TBCA: variants seen among roughly 807,000 people sequenced by gnomAD.
The protein encoded by TBCA is tubulin folding cofactor A.
TBCA carries 6 observed loss-of-function variants against 15.8 expected under a neutral mutation model. The ratio of observed to expected loss-of-function variants is 0.38; its 90% CI spans 0.21 to 0.75. The LOEUF (loss-of-function observed/expected upper bound fraction) is 0.75, where lower values mean the gene tolerates loss of function less well. Ranked by LOEUF, TBCA falls within the 30% of genes least tolerant of loss-of-function variation. The pLI is 0.46. For missense variants in TBCA, 90 were observed against 131.2 expected (o/e 0.69, Z 1.53); for synonymous variants, 32 against 42.3 (o/e 0.76, Z 0.94).
rs187886746 is a variant in TBCA at position 77,747,678 on chromosome 5, A to G, written c.53+28527T>C. 1.1e-3 allele frequency among the ~76,000 whole-genome samples: 172 copies of G among 152,258 alleles called. 2 individuals carry two copies. The highest frequency in any genetic ancestry group is 4.0e-3 in the African/African-American group (165 of 41,576). ...TAAGTACCTATTAGTTCTTATTAGC[A>G]ATGAGCTAGCAAGGTGCTATTGGTC... is the stretch of plus-strand genomic sequence containing the variant. On this transcript the variant is annotated intron_variant, in intron 1 of 3. Coordinates refer to ENST00000380377, the MANE Select transcript of TBCA (RefSeq NM_004607.3).
intron 1 of TBCA, among the ~76,000 whole-genome samples, chr5:77,720,135 T>C (rs1417870297): frequency 6.6e-6 from 1 of 152,148 alleles, no homozygotes; most frequent in Non-Finnish European, 1.5e-5. Flanking sequence ...CCTTCCCAAC[T>C]TGAGCTGTCA....
chr5:77,708,480 G>C, intron 1 of TBCA, 133 bp from the exon 2 acceptor site: 1 of 556,060 alleles, frequency 1.8e-6, no homozygotes. Context: ...GGAAGGAACA[G>C]AAGAAAAATA....
chr5:77,725,670 C>T (rs891970187), intron 1 of TBCA, among the ~76,000 whole-genome samples: 5 of 152,168 alleles, frequency 3.3e-5, no homozygotes, highest in Non-Finnish European at 5.9e-5. Flanking sequence ...GCCGTTCCTC[C>T]GTAATGTGTG....
intron 1 of TBCA, among the ~76,000 whole-genome samples, chr5:77,754,001 C>A (rs1338097256): frequency 6.6e-6 from 1 of 152,212 alleles, no homozygotes; most frequent in African/African-American, 2.4e-5. Flanking sequence ...AGTGATCTAC[C>A]TACCTTGACC....
At chr5:77,708,113 A>C (rs1746189570) in intron 2 of TBCA, 129 bp downstream of exon 2, 2 of 623,464 alleles carry the variant, frequency 3.2e-6, no homozygotes, top group Non-Finnish European at 5.3e-6. Flanking sequence ...CCTTATCTTT[A>C]AATGGAAGTT....
chr5:77,769,447 G>T (rs563083049), intron 1 of TBCA, among the ~76,000 whole-genome samples: 2 of 152,188 alleles, frequency 1.3e-5, no homozygotes, highest in South Asian at 4.2e-4. Context: ...TAAAGCTAAT[G>T]GGGGGAGACT....
At position 77,719,766 on chromosome 5, in the gene TBCA, C is replaced by T. The variant is rs533348175; in HGVS notation, c.54-11419G>A. ...AAATTCAAAAAACACAAATATAAAA[C>T]TCATTATTTCACGAATCCTCTAACC... is the stretch of plus-strand genomic sequence containing the variant. On this transcript the variant is annotated intron_variant, in intron 1 of 3. Coordinates refer to ENST00000380377, the MANE Select transcript of TBCA (RefSeq NM_004607.3). 2.0e-5 allele frequency among the ~76,000 whole-genome samples: 3 copies of T among 152,088 alleles called. No homozygotes were observed. The South Asian group carries it at 6.2e-4, about 32-fold the overall frequency.
chr5:77,774,575 C>T (rs985466454), intron 1 of TBCA, among the ~76,000 whole-genome samples: 1 of 152,188 alleles, frequency 6.6e-6, no homozygotes, highest in African/African-American at 2.4e-5. Context: ...CCTCCTATAA[C>T]TTGGAACTGT....
chr5:77,762,710 C>T (rs914719186), intron 1 of TBCA, among the ~76,000 whole-genome samples: 1 of 152,132 alleles, frequency 6.6e-6, no homozygotes, highest in African/African-American at 2.4e-5. Flanking sequence ...ACCCAGTATA[C>T]AAACCACTAT....
chr5:77,729,657 T>A (rs1280550321), intron 1 of TBCA, among the ~76,000 whole-genome samples: 1 of 152,174 alleles, frequency 6.6e-6, no homozygotes, highest in African/African-American at 2.4e-5. Context: ...CAAATTTACA[T>A]GAAGGAGACA....
At position 77,691,284 on chromosome 5, in the gene TBCA, A is replaced by G. The variant is rs555462540; in HGVS notation, c.*134T>C. ...TTTATTTGACATATTAAATTAGACA[A>G]AGAAATATATATGTAACCAGATAAA... On this transcript the variant is annotated 3_prime_UTR_variant, in exon 4 of 4. Coordinates refer to ENST00000380377, the MANE Select transcript of TBCA (RefSeq NM_004607.3). 49 of 704,698 alleles carry G rather than the reference A, an allele frequency of 7.0e-5. No homozygotes were observed. In the African/African-American group the frequency reaches 8.1e-4, roughly 12 times the overall value. The allele number at this position is 704,698 out of a possible 1,614,324, so 43.7% of individuals were successfully genotyped here.
At chr5:77,741,827 T>C (rs1235695398) in intron 1 of TBCA, among the ~76,000 whole-genome samples, 2 of 152,164 alleles carry the variant, frequency 1.3e-5, no homozygotes, top group South Asian at 4.1e-4. Context: ...AGAACTACCC[T>C]GAGCTACTCT....
intron 1 of TBCA, among the ~76,000 whole-genome samples, chr5:77,739,775 AC>A (rs1294253148): frequency 8.5e-5 from 13 of 152,198 alleles, no homozygotes; most frequent in African/African-American, 3.1e-4. Flanking sequence ...TGGGGGCCTT[AC>A]CAAAAACAAA....
intron 2 of TBCA, 77 bp from the exon 3 acceptor site, chr5:77,693,429 T>A: frequency 1.3e-6 from 2 of 1,488,146 alleles, no homozygotes. Context: ...GGTAAGTATA[T>A]CCTTATTAAG....
intron 1 of TBCA, among the ~76,000 whole-genome samples, chr5:77,764,745 T>C (rs2112512264): frequency 6.6e-6 from 1 of 151,540 alleles, no homozygotes; most frequent in East Asian, 1.9e-4. Context: ...AGTATTACAG[T>C]GCTTTCTTAT....
rs1368079082 is a variant in TBCA at position 77,766,535 on chromosome 5, AGTCTCGTTCTGTCGCCCAG to A, written c.53+9651_53+9669del. Among the ~76,000 whole-genome samples the A allele has an allele frequency of 9.9e-5, 2 of 20,144 alleles. 1 individual carries two copies. Among genetic ancestry groups the A allele is most frequent in the African/African-American group, 4.5e-4 (2 of 4,490 alleles). The allele number at this position is 20,144 out of a possible 152,430, so 13.2% of individuals were successfully genotyped here. A position where few individuals can be genotyped will look rare whatever the true frequency, so the allele number is the denominator to read the frequency against. On this transcript the variant is annotated intron_variant, in intron 1 of 3. Coordinates refer to ENST00000380377, the MANE Select transcript of TBCA (RefSeq NM_004607.3). ...TTATTTTTTTTTTTTTTTGAGACGG[AGTCTCGTTCTGTCGCCCAG>A]GCGGGAGTGCTGTGGCGCGATCTCC...
chr5:77,706,339 C>T (rs1746148495), intron 2 of TBCA, among the ~76,000 whole-genome samples: 1 of 152,046 alleles, frequency 6.6e-6, no homozygotes, highest in Non-Finnish European at 1.5e-5. Context: ...ACCAAGTGAT[C>T]TGAGGTACAT....
intron 2 of TBCA, among the ~76,000 whole-genome samples, chr5:77,706,671 C>T (rs1015249327): frequency 4.6e-5 from 7 of 151,648 alleles, no homozygotes; most frequent in Non-Finnish European, 5.9e-5. Context: ...ATTAGCTGCG[C>T]GTGGTGGTGC....
At chr5:77,723,101 T>A (rs896283867) in intron 1 of TBCA, among the ~76,000 whole-genome samples, 1 of 151,710 alleles carries the variant, frequency 6.6e-6, no homozygotes, top group Admixed American at 6.6e-5. Flanking sequence ...AAATATTTAG[T>A]TTGAAAAATT....
Sources: gnomAD v4.1 joint callset for allele counts (sites outside exome capture counted in the v4.1 genomes callset) on GRCh38, gnomAD v4.1.1 for gene constraint, MANE v1.5 for transcripts, NCBI Gene and HGNC (gene_info 2026-07-23, HGNC 2026-07-21) for gene names.